Variants in FRAS1 observed in about 807,000 individuals in gnomAD.
FRAS1 encodes the protein Fraser extracellular matrix complex subunit 1, also known as extracellular matrix organizing protein FRAS1.
Under a neutral mutation model 435.2 loss-of-function variants are expected in FRAS1, and 290 were observed. The ratio of observed to expected loss-of-function variants is 0.67; its 90% CI spans 0.61 to 0.73. The LOEUF (loss-of-function observed/expected upper bound fraction) is 0.73. Ranked by LOEUF, FRAS1 falls within the 30% of genes least tolerant of loss-of-function variation. FRAS1 has a pLI of 0.00. For missense variants in FRAS1, 4,860 were observed against 5,001.5 expected (o/e 0.97, Z 0.85); for synonymous variants, 1,800 against 1,851.0 (o/e 0.97, Z 0.71).
rs1721819959 is a variant in FRAS1, at chr4:78,534,460, C to T, written c.10937C>T (p.Pro3646Leu). 2 of 1,612,146 alleles carry T rather than the reference C, an allele frequency of 1.2e-6. No individual in the cohort carries two copies. Among genetic ancestry groups the T allele is most frequent in the Non-Finnish European group, 1.7e-6 (2 of 1,178,942 alleles). The change falls in exon 71 of 74, where the codon CCC becomes CTC. Residue 3646 changes from proline to leucine, a missense_variant. Physicochemically the swap from Pro to Leu is moderately conservative, Grantham distance 98. Coordinates refer to ENST00000512123, the MANE Select transcript of FRAS1 (RefSeq NM_025074.7). ...TAHAPERFLI[P>L]IAFQQTNRPV... ...CTCCTTGCATTTAGATTCCTGATAC[C>T]CATTGCATTCCAGCAGACCAACCGC...
intron 2 of FRAS1, among the ~76,000 whole-genome samples, chr4:78,095,932 G>T (rs541794253): frequency 6.6e-6 from 1 of 152,210 alleles, no homozygotes; most frequent in East Asian, 1.9e-4. Flanking sequence ...TTTCTCAACA[G>T]TCCCCCAGAG....
At chr4:78,533,009 T>G (rs1220496981) in intron 70 of FRAS1, among the ~76,000 whole-genome samples, 1 of 152,210 alleles carries the variant, frequency 6.6e-6, no homozygotes, top group Non-Finnish European at 1.5e-5. Flanking sequence ...GGAATAGGGA[T>G]TGCTGGGTCA....
At position 78,226,173 on chromosome 4, in the gene FRAS1, A is replaced by G. The variant is rs537307406; in HGVS notation, c.109-11337A>G. 3.3e-5 allele frequency among the ~76,000 whole-genome samples: 5 copies of G among 152,154 alleles called. No individual in the cohort carries two copies. The South Asian group carries it at 8.3e-4, about 25-fold the overall frequency. On this transcript the variant is annotated intron_variant, in intron 2 of 73. Coordinates refer to ENST00000512123, the MANE Select transcript of FRAS1 (RefSeq NM_025074.7). ...TTCTCCGTTTTTTCATCCATCTCCT[A>G]TCTTGCATGTTTTTGTGCATTTTGT...
At chr4:78,198,742 C>T (rs1229818240) in intron 2 of FRAS1, among the ~76,000 whole-genome samples, 1 of 152,186 alleles carries the variant, frequency 6.6e-6, no homozygotes, top group Admixed American at 6.5e-5. Flanking sequence ...CTTCCTTCTT[C>T]ACTTCCTCAC....
At chr4:78,375,046 G>T (rs988943395) in intron 25 of FRAS1, among the ~76,000 whole-genome samples, 1 of 152,086 alleles carries the variant, frequency 6.6e-6, no homozygotes, top group Non-Finnish European at 1.5e-5. Flanking sequence ...AAACTATACC[G>T]TATAGCCTCT....
At chr4:78,113,304 T>C (rs938110979) in intron 2 of FRAS1, among the ~76,000 whole-genome samples, 64 of 152,226 alleles carry the variant, frequency 4.2e-4, no homozygotes, top group African/African-American at 1.5e-3. Flanking sequence ...GCACGTGTCT[T>C]TATAGCAGCA....
intron 66 of FRAS1, among the ~76,000 whole-genome samples, chr4:78,516,708 T>C (rs1266000571): frequency 1.3e-5 from 2 of 152,178 alleles, no homozygotes; most frequent in African/African-American, 4.8e-5. Flanking sequence ...ATGTCTTACA[T>C]GGTGGCAGGT....
At chr4:78,398,114 G>T (rs1484345) in intron 29 of FRAS1, among the ~76,000 whole-genome samples, 117,523 of 152,070 alleles carry the variant, frequency 0.77, 46,174 homozygotes, top group African/African-American at 0.91. Context: ...TCTTGCTTAT[G>T]TCCAAGAATT....
At chr4:78,291,235 T>C (rs1481655587) in intron 14 of FRAS1, among the ~76,000 whole-genome samples, 2 of 152,228 alleles carry the variant, frequency 1.3e-5, no homozygotes. Flanking sequence ...CCAACCTTTT[T>C]GGCACGAGGT....
At chr4:78,184,935 G>T (rs553126175) in intron 2 of FRAS1, among the ~76,000 whole-genome samples, 3 of 152,144 alleles carry the variant, frequency 2.0e-5, no homozygotes, top group African/African-American at 7.2e-5. Flanking sequence ...TTCCTTCTGT[G>T]CTCATAGTTT....
At chr4:78,213,003 A>G (rs1258380632) in intron 2 of FRAS1, among the ~76,000 whole-genome samples, 1 of 152,156 alleles carries the variant, frequency 6.6e-6, no homozygotes, top group African/African-American at 2.4e-5. Context: ...TAGGCAAGGG[A>G]GCCAGGGTTT....
intron 20 of FRAS1, among the ~76,000 whole-genome samples, chr4:78,342,689 A>T (rs1730439126): frequency 6.6e-6 from 1 of 152,142 alleles, no homozygotes. Flanking sequence ...AAACAGATAA[A>T]CACCTGGGGG....
intron 32 of FRAS1, among the ~76,000 whole-genome samples, chr4:78,413,645 C>T (rs1363718154): frequency 3.3e-5 from 5 of 152,130 alleles, no homozygotes; most frequent in Non-Finnish European, 7.4e-5. Flanking sequence ...TGGAAAGACC[C>T]ACAGGTGAGA....
intron 44 of FRAS1, among the ~76,000 whole-genome samples, chr4:78,449,599 T>A (rs1296029509): frequency 1.3e-5 from 2 of 152,144 alleles, no homozygotes; most frequent in Admixed American, 6.6e-5. Context: ...AGCCAGGGCC[T>A]TATCTTCATC....
intron 30 of FRAS1, 138 bp from the exon 31 acceptor site, chr4:78,407,525 C>A: frequency 3.2e-6 from 2 of 627,860 alleles, no homozygotes; most frequent in Non-Finnish European, 5.3e-6. Flanking sequence ...TGTTAACATC[C>A]TCTCCTTCAC....
chr4:78,283,011 C>G (rs755735001), intron 12 of FRAS1, 44 bp downstream of exon 12: 2 of 1,360,126 alleles, frequency 1.5e-6, no homozygotes, highest in South Asian at 4.2e-5. Context: ...AGTTTTACTG[C>G]CAAAAAGCTC....
chr4:78,438,401 A>T (rs917708784), intron 38 of FRAS1, among the ~76,000 whole-genome samples, 169 bp from the exon 39 acceptor site: 7 of 152,186 alleles, frequency 4.6e-5, no homozygotes, highest in Admixed American at 2.0e-4. Context: ...AAGAATAAAC[A>T]CTGGGATTTT....
chr4:78,105,857 G>T (rs1260546988), intron 2 of FRAS1, among the ~76,000 whole-genome samples: 1 of 143,132 alleles, frequency 7.0e-6, no homozygotes, highest in Non-Finnish European at 1.5e-5. Context: ...TCACTAGGGA[G>T]TGCCAGACAG....
intron 20 of FRAS1, among the ~76,000 whole-genome samples, chr4:78,343,047 A>G (rs1730456233): frequency 6.6e-6 from 1 of 152,226 alleles, no homozygotes; most frequent in South Asian, 2.1e-4. Context: ...ATTCTAAACA[A>G]TGGTTAATAG....
Sources: gnomAD v4.1 joint callset for allele counts (sites outside exome capture counted in the v4.1 genomes callset) on GRCh38, gnomAD v4.1.1 for gene constraint, MANE v1.5 for transcripts, NCBI Gene and HGNC (gene_info 2026-07-23, HGNC 2026-07-21) for gene names.